The following CERS6 variants were observed in gnomAD, a reference collection of about 807,000 sequenced individuals.
CERS6 encodes ceramide synthase 6.
CERS6 carries 26 observed loss-of-function variants against 56.8 expected under a neutral mutation model. That is an observed-to-expected ratio of 0.46 (90% confidence interval 0.34 to 0.63). The LOEUF is 0.63. Ranked by LOEUF, CERS6 falls within the 30% of genes least tolerant of loss-of-function variation. CERS6 has a pLI of 0.01. For synonymous variants in CERS6, 164 were observed against 173.3 expected (o/e 0.95, Z 0.42); for missense variants, 415 against 467.5 (o/e 0.89, Z 1.04).
chr2:168,636,086 T>C (rs1684853772), intron 4 of CERS6, among the ~76,000 whole-genome samples: 1 of 152,158 alleles, frequency 6.6e-6, no homozygotes, highest in African/African-American at 2.4e-5. Context: ...AGGCTTTAAA[T>C]TTGGTTTTAA....
chr2:168,582,462 TTAGTTGTTTTAAA>T (rs1433096395), intron 3 of CERS6, among the ~76,000 whole-genome samples: 1 of 152,124 alleles, frequency 6.6e-6, no homozygotes, highest in African/African-American at 2.4e-5. Context: ...GTTGAGAAGT[TTAGTTGTTTTAAA>T]TAGAGAGCAA....
intron 8 of CERS6, among the ~76,000 whole-genome samples, chr2:168,727,564 A>G (rs2105406852): frequency 6.6e-6 from 1 of 151,560 alleles, no homozygotes; most frequent in Middle Eastern, 3.4e-3. Flanking sequence ...AAAAAAAAAA[A>G]GTTACAGAGG....
At chr2:168,746,761 T>G (rs1044142892) in intron 8 of CERS6, among the ~76,000 whole-genome samples, 12 of 116,318 alleles carry the variant, frequency 1.0e-4, no homozygotes, top group Non-Finnish European at 2.1e-4. Flanking sequence ...CAAACTGATT[T>G]AAAAGGGTAA....
At chr2:168,738,202 C>T (rs1683773557) in intron 8 of CERS6, among the ~76,000 whole-genome samples, 1 of 152,214 alleles carries the variant, frequency 6.6e-6, no homozygotes, top group African/African-American at 2.4e-5. Context: ...ACAAATGAAG[C>T]TGGGCGTGGT....
At chr2:168,619,447 A>G (rs2105282191) in intron 3 of CERS6, among the ~76,000 whole-genome samples, 1 of 152,320 alleles carries the variant, frequency 6.6e-6, no homozygotes, top group South Asian at 2.1e-4. Context: ...AATCTTCGCA[A>G]TCTATACATC....
At chr2:168,468,388 G>A (rs1317914417) in intron 1 of CERS6, among the ~76,000 whole-genome samples, 1 of 152,226 alleles carries the variant, frequency 6.6e-6, no homozygotes, top group Non-Finnish European at 1.5e-5. Flanking sequence ...CACACATCAA[G>A]TTTGGCATTT....
chr2:168,516,095 A>C (rs1399359217), intron 1 of CERS6, among the ~76,000 whole-genome samples: 3 of 152,198 alleles, frequency 2.0e-5, no homozygotes, highest in Non-Finnish European at 4.4e-5. Flanking sequence ...GGTAGTTTCC[A>C]GAATATTCAA....
chr2:168,481,725 G>A (rs1044524131), intron 1 of CERS6, among the ~76,000 whole-genome samples: 1 of 152,188 alleles, frequency 6.6e-6, no homozygotes, highest in African/African-American at 2.4e-5. Flanking sequence ...TAGGAATAAC[G>A]TTGAAATCAT....
chr2:168,572,796 C>T (rs1340669186), intron 3 of CERS6, among the ~76,000 whole-genome samples: 2 of 152,016 alleles, frequency 1.3e-5, no homozygotes, highest in Non-Finnish European at 1.5e-5. Context: ...GCTGTTTGAC[C>T]GTCAATACCT....
chr2:168,531,807 C>T (rs1484958429), intron 1 of CERS6, among the ~76,000 whole-genome samples: 31 of 145,380 alleles, frequency 2.1e-4, no homozygotes, highest in Non-Finnish European at 3.7e-4. Flanking sequence ...GGCAACAGAG[C>T]GAGACTCTGT....
Position 168,772,626 on chromosome 2 carries a change from G to A in CERS6, c.*2964G>A, listed in dbSNP as rs1419939694. The A allele has an allele frequency of 6.6e-6, 1 of 152,592 alleles. No individual in the cohort carries two copies. Among genetic ancestry groups the A allele is most frequent in the Admixed American group, 6.5e-5 (1 of 15,282 alleles). The allele number at this position is 152,592 out of a possible 1,614,324, so 9.5% of individuals were successfully genotyped here. On this transcript the variant is annotated 3_prime_UTR_variant, in exon 10 of 10. Coordinates refer to ENST00000305747, the MANE Select transcript of CERS6 (RefSeq NM_203463.3). ...AGTGAGCTAAATATGGCTAAGCACA[G>A]GTCATAAGAGCACCTAAGGCCAGCA...
intron 1 of CERS6, among the ~76,000 whole-genome samples, chr2:168,457,924 T>G (rs1693704011): frequency 1.3e-5 from 2 of 152,170 alleles, no homozygotes; most frequent in South Asian, 4.1e-4. Context: ...CTGCAGAAAT[T>G]GACATGCACA....
intron 3 of CERS6, among the ~76,000 whole-genome samples, chr2:168,594,786 G>A (rs1386759493): frequency 6.6e-6 from 1 of 151,996 alleles, no homozygotes. Flanking sequence ...CTGAGCCCCT[G>A]TGGAACTAAT....
At chr2:168,460,736 T>G (rs1166008367) in intron 1 of CERS6, among the ~76,000 whole-genome samples, 1 of 152,230 alleles carries the variant, frequency 6.6e-6, no homozygotes, top group African/African-American at 2.4e-5. Context: ...TGGGTAAGAA[T>G]GAGAAGCTAA....
intron 1 of CERS6, among the ~76,000 whole-genome samples, chr2:168,500,052 G>A (rs530201378): frequency 6.6e-6 from 1 of 152,016 alleles, no homozygotes; most frequent in African/African-American, 2.4e-5. Flanking sequence ...ATAATCTGGG[G>A]GATCACAAGT....
Position 168,763,410 on chromosome 2 carries a change from GATTTTTT to G in CERS6, c.846-2167_846-2161del, listed in dbSNP as rs113878585. Among the ~76,000 whole-genome samples, 428 of 151,400 alleles carry G rather than the reference GATTTTTT, an allele frequency of 2.8e-3. 1 individual carries two copies. The highest frequency in any genetic ancestry group is 9.2e-3 in the African/African-American group (379 of 41,292). ...CAGGCACACACCAGCACACTCGGCT[GATTTTTT>G]ATTTTTTATTTTTTTTGTATTTTTA... On this transcript the variant is annotated intron_variant, in intron 8 of 9. Coordinates refer to ENST00000305747, the MANE Select transcript of CERS6 (RefSeq NM_203463.3).
At chr2:168,493,309 T>G (rs1234100522) in intron 1 of CERS6, among the ~76,000 whole-genome samples, 2 of 152,284 alleles carry the variant, frequency 1.3e-5, no homozygotes, top group East Asian at 3.9e-4. Context: ...TGAAAACACC[T>G]AACAGGCTCT....
chr2:168,492,897 G>T (rs1694399380), intron 1 of CERS6, among the ~76,000 whole-genome samples: 1 of 152,008 alleles, frequency 6.6e-6, no homozygotes, highest in Non-Finnish European at 1.5e-5. Context: ...ATGTAATTTT[G>T]TTTTAATTTT....
intron 3 of CERS6, among the ~76,000 whole-genome samples, chr2:168,620,881 G>T (rs1314847642): frequency 1.3e-5 from 2 of 150,750 alleles, no homozygotes; most frequent in Non-Finnish European, 2.9e-5. Flanking sequence ...ACCCACCTCA[G>T]CCTCCTGAGT....
Sources: gnomAD v4.1 joint callset for allele counts (sites outside exome capture counted in the v4.1 genomes callset) on GRCh38, gnomAD v4.1.1 for gene constraint, MANE v1.5 for transcripts, NCBI Gene and HGNC (gene_info 2026-07-23, HGNC 2026-07-21) for gene names.